The following FBF1 variants were observed in gnomAD, a reference collection of about 807,000 sequenced individuals.
FBF1 encodes the protein fas-binding factor 1.
In FBF1, 119 loss-of-function variants were observed where a neutral mutation model predicts 147.2. That is an observed-to-expected ratio of 0.81 (90% confidence interval 0.70 to 0.94). The LOEUF (loss-of-function observed/expected upper bound fraction) is 0.94, where lower values mean the gene tolerates loss of function less well. Among genes scored for constraint, FBF1 ranks in the 40% least tolerant of loss-of-function variants. The probability of loss-of-function intolerance (pLI) is 0.00; values close to 1 mark genes in which losing one functional copy is unlikely to be tolerated. For missense variants in FBF1, 1,449 were observed against 1,500.8 expected, an observed-to-expected ratio of 0.97 and a Z score of 0.57; for synonymous variants, 601 against 609.0, an observed-to-expected ratio of 0.99 and a Z score of 0.19.
intron 3 of FBF1, 69 bp from the exon 4 acceptor site, chr17:75,935,742 T>C: frequency 6.9e-7 from 1 of 1,454,574 alleles, no homozygotes; most frequent in Non-Finnish European, 9.2e-7. Context: ...CATCAAGGCT[T>C]GAGACTCGCC....
intron 23 of FBF1, among the ~76,000 whole-genome samples, chr17:75,915,504 G>A (rs2065483172): frequency 6.6e-6 from 1 of 152,180 alleles, no homozygotes; most frequent in Non-Finnish European, 1.5e-5. Flanking sequence ...TTAATGCTGT[G>A]CTGTGGGCCC....
intron 13 of FBF1, among the ~76,000 whole-genome samples, chr17:75,924,120 A>G (rs1352759932): frequency 1.3e-5 from 2 of 152,084 alleles, no homozygotes; most frequent in African/African-American, 4.8e-5. Flanking sequence ...AGGCTGAGGC[A>G]TGAGAATTGC....
At position 75,934,806 on chromosome 17, in the gene FBF1, G is replaced by A. The variant is rs138483506; in HGVS notation, c.73+826C>T. 5.5e-3 allele frequency among the ~76,000 whole-genome samples: 831 copies of A among 150,846 alleles called. 11 individuals are homozygous for A. The highest frequency in any genetic ancestry group is 0.019 in the African/African-American group (775 of 40,940). ...AGGCAGGAGAATTGCTTGAACCTGGGAGGTGGAGGTTGCGGTGAGCCGAGA... is the reference window on the plus strand; with the variant it reads ...AGGCAGGAGAATTGCTTGAACCTGGAAGGTGGAGGTTGCGGTGAGCCGAGA... On this transcript the variant is annotated intron_variant, in intron 4 of 29. Transcript: ENST00000636174.
Position 75,922,011 on chromosome 17 carries a change from G to A in FBF1, c.1460C>T (p.Ala487Val). 6.4e-7 allele frequency: 1 copy of A among 1,551,922 alleles called. No individual in the cohort carries two copies. Among genetic ancestry groups the A allele is most frequent in the Non-Finnish European group, 8.7e-7 (1 of 1,147,050 alleles). The change falls in exon 15 of 30, where the codon GCA becomes GTA. Residue 487 changes from alanine to valine, a missense_variant. Physicochemically the swap from Ala to Val is moderately conservative, Grantham distance 64. Coordinates refer to ENST00000636174, the MANE Select transcript of FBF1 (RefSeq NM_001319193.2). This position sits in a 1 kb window ranked among gnomAD's most constrained non-coding sequence, Gnocchi z 5.0. ...PLTSTQGLEH[A>V]AAGGSSGTTA... ...TGTTCCAGAACTCCCTCCAGCAGCT[G>A]CGTGCTCAAGCCCTTGTGTGCTGGT...
At chr17:75,933,244 G>T (rs1327249214) in intron 4 of FBF1, among the ~76,000 whole-genome samples, 156 bp from the exon 5 acceptor site, 1 of 152,158 alleles carries the variant, frequency 6.6e-6, no homozygotes, top group African/African-American at 2.4e-5. Flanking sequence ...TGGAAAACCT[G>T]AATGGGAGAG....
chr17:75,910,689 G>T lies in FBF1; in HGVS notation c.*34C>A. ...GAGGAACAGGACAGTTCTGGGGTCC[G>T]AACCCTCTGTTGGGGAATCGGCTGG... On this transcript the variant is annotated 3_prime_UTR_variant, in exon 30 of 30. Transcript: ENST00000636174. This position sits in a 1 kb window ranked among gnomAD's most constrained non-coding sequence, Gnocchi z 4.1. 6.3e-7 allele frequency: 1 copy of T among 1,581,128 alleles called. No homozygotes were observed. Among genetic ancestry groups the T allele is most frequent in the East Asian group, 2.3e-5 (1 of 43,726 alleles).
intron 25 of FBF1, 78 bp downstream of exon 25, chr17:75,914,669 G>C: frequency 2.1e-6 from 3 of 1,398,614 alleles, no homozygotes; most frequent in Non-Finnish European, 2.8e-6. Context: ...CCTTTCCTAA[G>C]ACTGGAAGCG....
At chr17:75,921,845 G>GA in intron 15 of FBF1, 100 bp downstream of exon 15, 3 of 1,087,324 alleles carry the variant, frequency 2.8e-6, no homozygotes, top group Middle Eastern at 6.0e-4. Flanking sequence ...CGGGGACGGG[G>GA]CAGGGGCAGG....
At chr17:75,926,966 G>C in intron 9 of FBF1, 89 bp from the exon 10 acceptor site, 2 of 1,507,578 alleles carry the variant, frequency 1.3e-6, no homozygotes, top group Non-Finnish European at 1.8e-6. Context: ...TCGAGTCAAG[G>C]CTTCTAGCTG....
At position 75,915,609 on chromosome 17, in the gene FBF1, C is replaced by T. The variant is rs140242816; in HGVS notation, c.2506-470G>A. On this transcript the variant is annotated intron_variant, in intron 23 of 29. Coordinates refer to ENST00000636174, the MANE Select transcript of FBF1 (RefSeq NM_001319193.2). ...AATGAAGAGGCGAATCAAAATGCTT[C>T]ACAACATAAAAGCATCTCTATCTAC... 7.6e-3 allele frequency among the ~76,000 whole-genome samples: 1,154 copies of T among 152,348 alleles called. 17 individuals are homozygous for T. The South Asian group carries it at 0.077, about 10-fold the overall frequency.
rs2065543094 is a variant in FBF1, at chr17:75,923,657, GAGGGTGTCAGGC to G, written c.969-28_969-17del. 3 of 1,571,248 alleles carry G rather than the reference GAGGGTGTCAGGC, an allele frequency of 1.9e-6. No individual in the cohort carries two copies. Among genetic ancestry groups the G allele is most frequent in the Non-Finnish European group, 2.6e-6 (3 of 1,157,520 alleles). ...GAAGAACCTACTTCAAGACAGAAAGGAGGGTGTCAGGCAGGGGAAACAGCCAGTCCCAGTGGC... is the reference window on the plus strand; with the variant it reads ...GAAGAACCTACTTCAAGACAGAAAGGAGGGGAAACAGCCAGTCCCAGTGGC... On this transcript the variant is annotated splice_polypyrimidine_tract_variant and intron_variant, in intron 13 of 29. Transcript: ENST00000636174. This position sits in a 1 kb window ranked among gnomAD's most constrained non-coding sequence, Gnocchi z 4.1.
chr17:75,929,985 C>G lies in FBF1; in HGVS notation c.279+12G>C. 1 of 1,163,200 alleles carries G rather than the reference C, an allele frequency of 8.6e-7. No individual in the cohort carries two copies. The highest frequency in any genetic ancestry group is 1.3e-5 in the South Asian group (1 of 77,752). The allele number at this position is 1,163,200 out of a possible 1,614,324, so 72.1% of individuals were successfully genotyped here. On this transcript the variant is annotated intron_variant, in intron 7 of 29. Coordinates refer to ENST00000636174, the MANE Select transcript of FBF1 (RefSeq NM_001319193.2). The stretch of plus-strand genomic sequence containing the variant: ...CCCCCAGTTCTAAGAATCGTGCAAG[C>G]TGTTTCCTTACCTTCATGGCCTGGA...
At chr17:75,938,333 G>C (rs1190724136) in intron 1 of FBF1, 101 bp from the exon 2 acceptor site, 2 of 806,908 alleles carry the variant, frequency 2.5e-6, no homozygotes, top group Non-Finnish European at 4.0e-6. Context: ...GGCCAAGGCG[G>C]GGGGATCACC....
At chr17:75,929,945 A>AGGGGCCCCC in intron 7 of FBF1, 52 bp downstream of exon 7, 4 of 650,842 alleles carry the variant, frequency 6.1e-6, no homozygotes, top group African/African-American at 2.0e-5. Context: ...AAATATCATG[A>AGGGGCCCCC]CCCCACCCCA....
rs2065564404 is a variant in FBF1, at chr17:75,926,758, C to T, written c.595G>A (p.Gly199Ser). Residue 199 changes from glycine to serine, a missense_variant and splice_region_variant, in exon 10 of 30, where the codon GGT becomes AGT. Gly to Ser is a moderately conservative substitution (Grantham distance 56). Transcript: ENST00000636174. ...GGGAAATGAGCCCACTCCACCCTAC[C>T]TTGATCTCTCACTGTGCTGGGGCTC... ...DKSPSTVRDQGPSIPLTPGDT... is the reference protein window; with the variant it reads ...DKSPSTVRDQSPSIPLTPGDT... 2 of 1,612,846 alleles carry T rather than the reference C, an allele frequency of 1.2e-6. No homozygotes were observed. The highest frequency in any genetic ancestry group is 8.5e-7 in the Non-Finnish European group (1 of 1,179,408).
chr17:75,932,812 G>C (rs2065602016), intron 5 of FBF1, among the ~76,000 whole-genome samples, 183 bp downstream of exon 5: 1 of 151,740 alleles, frequency 6.6e-6, no homozygotes, highest in Non-Finnish European at 1.5e-5. Flanking sequence ...CTTGAACCGG[G>C]GTGGTGGAGG....
At chr17:75,930,465 G>A (rs757100967) in intron 6 of FBF1, among the ~76,000 whole-genome samples, 11 of 152,122 alleles carry the variant, frequency 7.2e-5, no homozygotes, top group African/African-American at 1.2e-4. Context: ...GGGTCCACTC[G>A]GCAGCCCTTG....
rs2065480657 is a variant in FBF1 at position 75,915,093 on chromosome 17, T to G, written c.2552A>C (p.Gln851Pro). ...TAEQSKAESMQRALEEQRKVT... is the reference protein window; with the variant it reads ...TAEQSKAESMPRALEEQRKVT... Reference sequence around the variant, plus strand: ...CTTCCTTTGCTCCTCTAGGGCGCGCTGCATGGACTCCGCCTTGGACTGCTC... The same window carrying G: ...CTTCCTTTGCTCCTCTAGGGCGCGCGGCATGGACTCCGCCTTGGACTGCTC... The change falls in exon 24 of 30, where the codon CAG (glutamine) becomes CCG (proline). Residue 851 changes from glutamine (Q) to proline (P), a missense_variant. Transcript: ENST00000636174. The G allele has an allele frequency of 6.2e-7, 1 of 1,612,844 alleles. No homozygotes were observed. Among genetic ancestry groups the G allele is most frequent in the Non-Finnish European group, 8.5e-7 (1 of 1,179,778 alleles).
At chr17:75,911,730 C>A (rs113219820) in intron 29 of FBF1, among the ~76,000 whole-genome samples, 1 of 152,206 alleles carries the variant, frequency 6.6e-6, no homozygotes, top group Admixed American at 6.5e-5. Context: ...AAGCTGGCCA[C>A]GAACTCCTGG....
Sources: gnomAD v4.1 joint callset for allele counts (sites outside exome capture counted in the v4.1 genomes callset) on GRCh38, gnomAD v4.1.1 for gene constraint, Gnocchi (gnomAD v3.1) non-coding constraint, MANE v1.5 for transcripts, NCBI Gene and HGNC (gene_info 2026-07-23, HGNC 2026-07-21) for gene names.